Variants in ZNF600 observed in about 807,000 individuals in gnomAD.
ZNF600 encodes the protein zinc finger protein 600.
Under a neutral mutation model 7.3 loss-of-function variants are expected in ZNF600, and 4 were observed. That is an observed-to-expected ratio of 0.55 (90% CI 0.27 to 1.25). The LOEUF is 1.25. ZNF600 is among the 50% of genes most tolerant of loss of function. The pLI, the probability that ZNF600 is intolerant of heterozygous loss-of-function variation, is 0.12. For synonymous variants in ZNF600, 290 were observed against 308.9 expected (o/e 0.94, Z 0.64); for missense variants, 911 against 922.1 (o/e 0.99, Z 0.16).
At chr19:52,772,464 G>A (rs1221893621) in intron 3 of ZNF600, among the ~76,000 whole-genome samples, 10 of 152,094 alleles carry the variant, frequency 6.6e-5, no homozygotes, top group Admixed American at 2.0e-4. Context: ...TTAGCCAGGC[G>A]TGGTGGTGCA....
chr19:52,817,535 C>T, the ZNF600 span, among the ~76,000 whole-genome samples: 2 of 152,026 alleles, frequency 1.3e-5, no homozygotes, highest in Non-Finnish European at 2.9e-5. Context: ...CCTTATTGGT[C>T]TCCTTTTCTA....
At chr19:52,810,531 G>A in the ZNF600 span, 61 of 1,596,808 alleles carry the variant, frequency 3.8e-5, no homozygotes, top group South Asian at 1.7e-4. Flanking sequence ...ATCCCAAAGC[G>A]AACCAACAGA....
At chr19:52,810,669 G>GGGCC in the ZNF600 span, 1 of 987,292 alleles carries the variant, frequency 1.0e-6, no homozygotes, top group Non-Finnish European at 1.6e-6. Context: ...GCGTCTACAG[G>GGGCC]GGCCGGGCTA....
chr19:52,780,284 T>C (rs1319202158), intron 1 of ZNF600, among the ~76,000 whole-genome samples: 1 of 152,108 alleles, frequency 6.6e-6, no homozygotes, highest in Non-Finnish European at 1.5e-5. Flanking sequence ...ACAGCTGCAG[T>C]GTCAAATGAG....
At chr19:52,794,915 T>C in the ZNF600 span, among the ~76,000 whole-genome samples, 1 of 152,204 alleles carries the variant, frequency 6.6e-6, no homozygotes, top group Admixed American at 6.5e-5. Context: ...AAATGTCTCT[T>C]TCAATGTCTA....
At position 52,770,831 on chromosome 19, in the gene ZNF600, T is replaced by C. The variant is rs111453420; in HGVS notation, c.191-3059A>G. ...GGACTAGGGCTTTTAATTGTATTTT[T>C]TCTTTCTTTATCTACTTTTGAGACA... On this transcript the variant is annotated intron_variant, in intron 3 of 3. Transcript: ENST00000648973. Among the ~76,000 whole-genome samples the C allele has an allele frequency of 1.2e-3, 180 of 152,266 alleles. 1 individual carries two copies. The highest frequency in any genetic ancestry group is 4.1e-3 in the African/African-American group (169 of 41,552).
At chr19:52,804,323 T>G in the ZNF600 span, among the ~76,000 whole-genome samples, 3 of 151,966 alleles carry the variant, frequency 2.0e-5, no homozygotes, top group Non-Finnish European at 4.4e-5. Context: ...TGAGATGGAG[T>G]CATGCTCTAT....
chr19:52,783,495 G>C (rs1301823896), intron 1 of ZNF600, among the ~76,000 whole-genome samples: 2 of 151,624 alleles, frequency 1.3e-5, no homozygotes, highest in Non-Finnish European at 2.9e-5. Flanking sequence ...CGGAGCAGCC[G>C]GGACTACAGG....
At chr19:52,799,425 T>C in the ZNF600 span, 428 of 718,922 alleles carry the variant, frequency 6.0e-4, 5 homozygotes, top group African/African-American at 7.1e-3. Context: ...TTTGTCACAT[T>C]CTTCCTATTT....
chr19:52,793,859 ACTTTCT>A, the ZNF600 span, among the ~76,000 whole-genome samples: 3 of 151,250 alleles, frequency 2.0e-5, no homozygotes, highest in African/African-American at 2.4e-5. Context: ...TATACGTGTA[ACTTTCT>A]CTTTATATTA....
chr19:52,791,401 C>G (rs1356662205), upstream of ZNF600, among the ~76,000 whole-genome samples: 1 of 152,206 alleles, frequency 6.6e-6, no homozygotes, highest in Non-Finnish European at 1.5e-5. Context: ...ATGTGTCAGA[C>G]AAGATGCTTC....
chr19:52,783,452 C>G (rs936469942), intron 1 of ZNF600, among the ~76,000 whole-genome samples: 2 of 152,298 alleles, frequency 1.3e-5, no homozygotes, highest in South Asian at 2.1e-4. Context: ...AGCTCCGCCT[C>G]CCGGGTTCAT....
chr19:52,801,720 C>A, the ZNF600 span: 1 of 1,599,314 alleles, frequency 6.3e-7, no homozygotes, highest in Non-Finnish European at 8.5e-7. Flanking sequence ...ATATAAACAC[C>A]AATAGGTTTC....
the ZNF600 span, among the ~76,000 whole-genome samples, chr19:52,795,620 G>A: frequency 1.3e-5 from 2 of 152,154 alleles, no homozygotes; most frequent in African/African-American, 4.8e-5. Context: ...CAGCTGGAGT[G>A]TAGGTGCGCC....
the ZNF600 span, among the ~76,000 whole-genome samples, chr19:52,809,445 CAAA>C: frequency 6.6e-6 from 1 of 151,822 alleles, no homozygotes; most frequent in South Asian, 2.1e-4. Context: ...TACTGGAACA[CAAA>C]GAAGAAAATA....
upstream of ZNF600, among the ~76,000 whole-genome samples, chr19:52,791,215 C>T (rs2147600726): frequency 6.6e-6 from 1 of 152,314 alleles, no homozygotes; most frequent in Non-Finnish European, 1.5e-5. Context: ...GCAGGCTGTG[C>T]AGCAGCACTG....
chr19:52,793,946 A>G, the ZNF600 span, among the ~76,000 whole-genome samples: 1 of 152,246 alleles, frequency 6.6e-6, no homozygotes, highest in Non-Finnish European at 1.5e-5. Flanking sequence ...AGTTTGGCTA[A>G]GTCCCCAGAA....
chr19:52,764,500 C>T (rs943122740), downstream of ZNF600: 15 of 151,208 alleles, frequency 9.9e-5, no homozygotes, highest in Non-Finnish European at 1.6e-4. Context: ...GGATGAGCCA[C>T]CATCCAGCTT....
the ZNF600 span, among the ~76,000 whole-genome samples, chr19:52,829,183 TTTTTATTTTA>T: frequency 0.011 from 1,008 of 91,732 alleles, 8 homozygotes; most frequent in African/African-American, 0.017. Flanking sequence ...TTTTTTTCTT[TTTTTATTTTA>T]TTTTATTTTA....
Sources: gnomAD v4.1 joint callset for allele counts (sites outside exome capture counted in the v4.1 genomes callset) on GRCh38, gnomAD v4.1.1 for gene constraint, MANE v1.5 for transcripts, NCBI Gene and HGNC (gene_info 2026-07-23, HGNC 2026-07-21) for gene names.